Variants in SUGCT observed in about 807,000 individuals in gnomAD.
SUGCT encodes the protein succinyl-CoA:glutarate CoA-transferase.
In SUGCT, 41 loss-of-function variants were observed where a neutral mutation model predicts 55.0. The ratio of observed to expected loss-of-function variants is 0.74; its 90% CI spans 0.58 to 0.97. The LOEUF is 0.97. SUGCT is among the 50% of genes least tolerant of loss of function. SUGCT has a pLI of 0.00. For missense variants in SUGCT, 568 were observed against 547.8 expected, an observed-to-expected ratio of 1.04 and a Z score of -0.37; for synonymous variants, 187 against 200.4, an observed-to-expected ratio of 0.93 and a Z score of 0.56.
chr7:40,280,405 C>G lies in SUGCT; in HGVS notation c.720+5749C>G, dbSNP rs186851464. ...ATGTGGTTCTGCTTATTCTGTTGCT[C>G]TATTCTTCTGTTGTGGCCTACAGAA... On this transcript the variant is annotated intron_variant, in intron 8 of 13. Transcript: ENST00000335693. Among the ~76,000 whole-genome samples, 373 of 152,274 alleles carry G rather than the reference C, an allele frequency of 2.4e-3. 1 individual carries two copies. The highest frequency in any genetic ancestry group is 8.1e-3 in the African/African-American group (335 of 41,550).
the SUGCT span, among the ~76,000 whole-genome samples, chr7:41,009,855 G>T: frequency 6.6e-6 from 1 of 152,212 alleles, no homozygotes; most frequent in African/African-American, 2.4e-5. Flanking sequence ...GAAGACTGCA[G>T]AAAAGTACCT....
At chr7:40,175,221 A>G (rs1377098050) in intron 1 of SUGCT, among the ~76,000 whole-genome samples, 1 of 151,300 alleles carries the variant, frequency 6.6e-6, no homozygotes, top group East Asian at 1.9e-4. Context: ...TAGTGCGTTT[A>G]AATTTTTTTT....
intron 10 of SUGCT, among the ~76,000 whole-genome samples, chr7:40,457,983 G>T (rs1789580818): frequency 6.6e-6 from 1 of 152,042 alleles, no homozygotes; most frequent in South Asian, 2.1e-4. Context: ...ATGTGGTGTT[G>T]GTTTTTAAAA....
rs111833659 is a variant in SUGCT at position 40,153,665 on chromosome 7, G to A, written c.100+18545G>A. Reference sequence around the variant, plus strand: ...GTGGAACAGGGGCAATACCAATAGAGGGGACTACTTAATGTTTTCACGTTA... The same window carrying A: ...GTGGAACAGGGGCAATACCAATAGAAGGGACTACTTAATGTTTTCACGTTA... On this transcript the variant is annotated intron_variant, in intron 1 of 13. Coordinates refer to ENST00000335693, the MANE Select transcript of SUGCT (RefSeq NM_001193313.2). 32 of 520,998 alleles carry A rather than the reference G, an allele frequency of 6.1e-5. 1 individual carries two copies. Among genetic ancestry groups the A allele is most frequent in the African/African-American group, 4.4e-4 (23 of 51,778 alleles). 32.3% of individuals were successfully genotyped at this position (520,998 alleles called of 1,614,324 possible).
chr7:40,364,847 G>GTA lies in SUGCT; in HGVS notation c.816+47993_816+47994dup, dbSNP rs555674949. 2.0e-4 allele frequency among the ~76,000 whole-genome samples: 30 copies of GTA among 152,188 alleles called. 1 individual carries two copies. In the South Asian group the frequency reaches 5.8e-3, roughly 29 times the overall value. ...CTACCAGAGGTACAAGGAGGAACTG[G>GTA]TACCATTCCTTCTGAAACTATTCCA... On this transcript the variant is annotated intron_variant, in intron 9 of 13. Transcript: ENST00000335693.
rs1562983669 is a variant in SUGCT, at chr7:40,755,558, C to CGGTCT, written c.1153+6062_1153+6066dup. On this transcript the variant is annotated intron_variant, in intron 13 of 13. Transcript: ENST00000335693. ...TATTTGCATCTTCTTGCAATCACAC[C>CGGTCT]GGTCTTTGGCCTTTGAGCCAGAGTG... 2.6e-5 allele frequency among the ~76,000 whole-genome samples: 4 copies of CGGTCT among 152,308 alleles called. No homozygotes were observed. In the South Asian group the frequency reaches 8.3e-4, roughly 32 times the overall value.
intron 1 of SUGCT, among the ~76,000 whole-genome samples, chr7:40,164,946 C>T (rs1274691166): frequency 1.3e-5 from 2 of 152,132 alleles, no homozygotes; most frequent in Non-Finnish European, 2.9e-5. Context: ...ACTAATTTTC[C>T]AGGTACCCTC....
intron 11 of SUGCT, among the ~76,000 whole-genome samples, chr7:40,482,512 T>A (rs990421533): frequency 2.6e-5 from 4 of 152,220 alleles, no homozygotes; most frequent in African/African-American, 4.8e-5. Flanking sequence ...TTTTCTTTAA[T>A]AATTTGGTAT....
At chr7:40,464,848 A>C (rs1790015179) in intron 11 of SUGCT, among the ~76,000 whole-genome samples, 1 of 152,212 alleles carries the variant, frequency 6.6e-6, no homozygotes, top group Non-Finnish European at 1.5e-5. Context: ...TCAGTTTGGT[A>C]GGTTAGGTAT....
intron 9 of SUGCT, among the ~76,000 whole-genome samples, chr7:40,416,571 T>C (rs1787013361): frequency 6.6e-6 from 1 of 151,960 alleles, no homozygotes; most frequent in Middle Eastern, 3.2e-3. Flanking sequence ...TGTAATGAAT[T>C]TGTCATTATG....
At chr7:40,163,468 G>T (rs1784276188) in intron 1 of SUGCT, among the ~76,000 whole-genome samples, 1 of 151,982 alleles carries the variant, frequency 6.6e-6, no homozygotes, top group Non-Finnish European at 1.5e-5. Context: ...AGCCGGGCGT[G>T]GTGGCGCGCA....
intron 7 of SUGCT, among the ~76,000 whole-genome samples, chr7:40,271,422 C>T (rs926132498): frequency 2.6e-5 from 4 of 152,170 alleles, no homozygotes; most frequent in Admixed American, 2.6e-4. Flanking sequence ...GCCTTCGTGC[C>T]TGGCCTCTTG....
the SUGCT span, among the ~76,000 whole-genome samples, chr7:41,001,226 T>C: frequency 3.2e-4 from 49 of 151,968 alleles, no homozygotes; most frequent in African/African-American, 1.2e-3. Flanking sequence ...CACTTCAACA[T>C]TTAAGGTCAA....
chr7:40,375,159 G>A (rs1784482491), intron 9 of SUGCT, among the ~76,000 whole-genome samples: 1 of 152,138 alleles, frequency 6.6e-6, no homozygotes, highest in African/African-American at 2.4e-5. Context: ...GTGCAGTTGC[G>A]GGTAAGTGAG....
chr7:40,479,475 C>A (rs1192452655), intron 11 of SUGCT, among the ~76,000 whole-genome samples: 12 of 152,098 alleles, frequency 7.9e-5, no homozygotes, highest in African/African-American at 2.9e-4. Context: ...AAGTACACTC[C>A]ATGTACGTGT....
intron 12 of SUGCT, among the ~76,000 whole-genome samples, chr7:40,544,278 G>T (rs1794869699): frequency 6.6e-6 from 1 of 151,924 alleles, no homozygotes; most frequent in African/African-American, 2.4e-5. Flanking sequence ...CCAGGCTCTG[G>T]CCCCTGTGTC....
the SUGCT span, among the ~76,000 whole-genome samples, chr7:40,876,351 C>T: frequency 2.6e-5 from 4 of 152,230 alleles, no homozygotes; most frequent in Non-Finnish European, 4.4e-5. Flanking sequence ...CTTTCATGTG[C>T]ACATAGGAAG....
chr7:40,915,854 T>G, the SUGCT span, among the ~76,000 whole-genome samples: 50 of 152,238 alleles, frequency 3.3e-4, no homozygotes, highest in African/African-American at 1.2e-3. Flanking sequence ...ATTACTAATG[T>G]TTCCCATCGC....
chr7:40,959,209 G>A, the SUGCT span, among the ~76,000 whole-genome samples: 1 of 152,214 alleles, frequency 6.6e-6, no homozygotes, highest in South Asian at 2.1e-4. Flanking sequence ...TGGGAGGTCC[G>A]CTGCTATCTT....
Sources: gnomAD v4.1 joint callset for allele counts (sites outside exome capture counted in the v4.1 genomes callset) on GRCh38, gnomAD v4.1.1 for gene constraint, MANE v1.5 for transcripts, NCBI Gene and HGNC (gene_info 2026-07-23, HGNC 2026-07-21) for gene names.